MACROH2A2: variants seen among roughly 807,000 people sequenced by gnomAD.
MACROH2A2 encodes core histone macro-H2A.2.
A neutral mutation model predicts 37.6 loss-of-function variants in MACROH2A2; 6 were observed. That is an observed-to-expected ratio of 0.16 (90% CI 0.09 to 0.32). The LOEUF is 0.32. MACROH2A2 is among the 10% of genes least tolerant of loss of function. MACROH2A2 has a pLI of 1.00. For synonymous variants in MACROH2A2, 192 were observed against 202.7 expected (o/e 0.95, Z 0.45); for missense variants, 290 against 485.9 (o/e 0.60, Z 3.79).
At chr10:70,092,845 T>TC (rs2136636336) in intron 4 of MACROH2A2, among the ~76,000 whole-genome samples, 1 of 152,284 alleles carries the variant, frequency 6.6e-6, no homozygotes, top group South Asian at 2.1e-4. Context: ...CTGCAGGCAT[T>TC]CCCTGAGTTC....
intron 1 of MACROH2A2, among the ~76,000 whole-genome samples, chr10:70,063,431 A>G (rs922273956): frequency 6.6e-6 from 1 of 152,326 alleles, no homozygotes; most frequent in Admixed American, 6.5e-5. Flanking sequence ...GTTTGATTCT[A>G]TTCTATTCAG....
chr10:70,070,146 G>A (rs1471679330), intron 1 of MACROH2A2, among the ~76,000 whole-genome samples: 1 of 152,178 alleles, frequency 6.6e-6, no homozygotes, highest in Non-Finnish European at 1.5e-5. Flanking sequence ...GAGGGCCTGG[G>A]AGATAGGTGC....
intron 5 of MACROH2A2, among the ~76,000 whole-genome samples, chr10:70,095,367 CAAAAA>C (rs1188963876): frequency 1.5e-5 from 1 of 67,930 alleles, no homozygotes. Flanking sequence ...GACTCCGTCT[CAAAAA>C]AAAAAAAAAA....
Position 70,100,293 on chromosome 10 carries a change from C to T in MACROH2A2, c.774C>T (p.Ala258=), listed in dbSNP as rs200429027. 75 of 1,586,292 alleles carry T rather than the reference C, an allele frequency of 4.7e-5. No individual in the cohort carries two copies. Among genetic ancestry groups the T allele is most frequent in the South Asian group, 1.0e-4 (9 of 89,708 alleles). ...AATCCCAAGGCCCTTTGGAAGTCGC[C>T]GAAGGTAAGTGTGGAACTAGGCTCC... ...LRKSQGPLEV[A]EAAVSQSSGL... is the part of the protein sequence containing the mutation. Residue 258 remains alanine (A), a synonymous_variant, in exon 7 of 9, where the codon GCC becomes GCT. Coordinates refer to ENST00000373255, the MANE Select transcript of MACROH2A2 (RefSeq NM_018649.3).
chr10:70,087,230 TTTC>T (rs1004924310), intron 2 of MACROH2A2, among the ~76,000 whole-genome samples: 2 of 148,262 alleles, frequency 1.3e-5, no homozygotes, highest in Non-Finnish European at 3.0e-5. Flanking sequence ...TTTTCTTTTC[TTTC>T]TTCTTTTTTT....
At chr10:70,080,814 G>C (rs1481320882) in intron 2 of MACROH2A2, among the ~76,000 whole-genome samples, 1 of 147,038 alleles carries the variant, frequency 6.8e-6, no homozygotes, top group Non-Finnish European at 1.5e-5. Context: ...TAACCCGGGA[G>C]GTGGAGGTTG....
At chr10:70,067,597 A>G (rs1390257749) in intron 1 of MACROH2A2, among the ~76,000 whole-genome samples, 1 of 152,254 alleles carries the variant, frequency 6.6e-6, no homozygotes, top group Non-Finnish European at 1.5e-5. Flanking sequence ...ATCTAGAGTC[A>G]AAATGTGAAT....
chr10:70,109,324 G>C, intron 8 of MACROH2A2, 117 bp downstream of exon 8: 1 of 829,822 alleles, frequency 1.2e-6, no homozygotes, highest in East Asian at 2.5e-5. Context: ...CAAGTATGCT[G>C]ACCAGATGAC....
At chr10:70,095,795 C>T (rs753718699) in intron 6 of MACROH2A2, 42 bp downstream of exon 6, 1 of 938,596 alleles carries the variant, frequency 1.1e-6, no homozygotes, top group Non-Finnish European at 1.8e-6. Context: ...TAGAATAGGC[C>T]ACTGTTCAGG....
At chr10:70,060,908 T>C (rs1321285871) in intron 1 of MACROH2A2, among the ~76,000 whole-genome samples, 2 of 151,304 alleles carry the variant, frequency 1.3e-5, no homozygotes, top group African/African-American at 4.9e-5. Context: ...TATTTGAACT[T>C]AGGATGTCAA....
intron 1 of MACROH2A2, among the ~76,000 whole-genome samples, chr10:70,064,089 C>T (rs1466732522): frequency 1.3e-5 from 2 of 152,210 alleles, no homozygotes; most frequent in Non-Finnish European, 2.9e-5. Context: ...CTACAAGAGG[C>T]TGGGCATGGT....
At chr10:70,067,088 C>G (rs942323518) in intron 1 of MACROH2A2, among the ~76,000 whole-genome samples, 2 of 152,144 alleles carry the variant, frequency 1.3e-5, no homozygotes, top group Admixed American at 1.3e-4. Flanking sequence ...AATGAGTCAA[C>G]AATATCTATT....
intron 1 of MACROH2A2, among the ~76,000 whole-genome samples, chr10:70,056,441 G>A (rs1408271619): frequency 6.6e-6 from 1 of 152,132 alleles, no homozygotes; most frequent in South Asian, 2.1e-4. Flanking sequence ...ACCATGCCCG[G>A]CCAAGTTCTG....
At chr10:70,098,790 G>C (rs529653319) in intron 6 of MACROH2A2, 6 of 152,518 alleles carry the variant, frequency 3.9e-5, no homozygotes, top group African/African-American at 1.4e-4. Context: ...GGTGGCCATT[G>C]ATGCCTCTTC....
chr10:70,092,124 A>G (rs1384689311), intron 4 of MACROH2A2, among the ~76,000 whole-genome samples, 170 bp downstream of exon 4: 1 of 152,212 alleles, frequency 6.6e-6, no homozygotes. Flanking sequence ...GAATGGGAAC[A>G]GTCCCCTTAT....
chr10:70,085,977 T>A (rs74139266), intron 2 of MACROH2A2, among the ~76,000 whole-genome samples: 24,255 of 151,484 alleles, frequency 0.16, 2,011 homozygotes, highest in East Asian at 0.24. Context: ...ATGATTAATG[T>A]TTTTCTTGTT....
chr10:70,082,313 G>A (rs1008827430), intron 2 of MACROH2A2, among the ~76,000 whole-genome samples: 11 of 152,264 alleles, frequency 7.2e-5, no homozygotes, highest in African/African-American at 2.4e-4. Context: ...AGCTGCCGGG[G>A]AGGCTGAGGC....
At chr10:70,071,571 G>T (rs2072110412) in intron 1 of MACROH2A2, among the ~76,000 whole-genome samples, 1 of 152,156 alleles carries the variant, frequency 6.6e-6, no homozygotes, top group African/African-American at 2.4e-5. Context: ...AACGAAAGGG[G>T]TACGTTCTGA....
chr10:70,092,341 G>C (rs1173811469), intron 4 of MACROH2A2, among the ~76,000 whole-genome samples: 1 of 152,186 alleles, frequency 6.6e-6, no homozygotes, highest in Non-Finnish European at 1.5e-5. Context: ...GCCGAGGCAG[G>C]AGGATGGCTT....
Sources: gnomAD v4.1 joint callset for allele counts (sites outside exome capture counted in the v4.1 genomes callset) on GRCh38, gnomAD v4.1.1 for gene constraint, MANE v1.5 for transcripts, NCBI Gene and HGNC (gene_info 2026-07-23, HGNC 2026-07-21) for gene names.